DLGAP1: variants seen among roughly 807,000 people sequenced by gnomAD.
DLGAP1 encodes the protein DLG associated protein 1.
Under a neutral mutation model 90.8 loss-of-function variants are expected in DLGAP1, and 11 were observed. The observed-to-expected ratio is 0.12, with a 90% confidence interval of 0.08 to 0.20. The LOEUF (loss-of-function observed/expected upper bound fraction) is 0.20, where lower values mean the gene tolerates loss of function less well. Ranked by LOEUF, DLGAP1 falls within the 10% of genes least tolerant of loss-of-function variation. The pLI is 1.00. For missense variants in DLGAP1, 1,050 were observed against 1,333.8 expected (o/e 0.79, Z 3.31); for synonymous variants, 558 against 540.7 (o/e 1.03, Z -0.44).
intron 2 of DLGAP1, among the ~76,000 whole-genome samples, chr18:4,058,502 G>A (rs538308207): frequency 2.2e-4 from 34 of 152,274 alleles, no homozygotes; most frequent in African/African-American, 7.9e-4. Flanking sequence ...GCCTTACTCT[G>A]TAGCCTTTTA....
At chr18:3,848,015 C>A (rs1373740424) in intron 4 of DLGAP1, among the ~76,000 whole-genome samples, 1 of 150,472 alleles carries the variant, frequency 6.6e-6, no homozygotes, top group East Asian at 2.0e-4. Context: ...GTAGTCCCAG[C>A]TGATTAGGAA....
rs140411764 is a variant in DLGAP1 at position 4,027,391 on chromosome 18, A to G, written c.-158-22190T>C. ...CATGGTGGTGCATGCTTGTAATCCC[A>G]GCTACTCGAGAGGCTGAGGCAGGAG... is the stretch of plus-strand genomic sequence containing the variant. On this transcript the variant is annotated intron_variant, in intron 2 of 12. Coordinates refer to ENST00000315677, the MANE Select transcript of DLGAP1 (RefSeq NM_004746.4). Among the ~76,000 whole-genome samples, 516 of 150,904 alleles carry G rather than the reference A, an allele frequency of 3.4e-3. 4 individuals are homozygous for G. Among genetic ancestry groups the G allele is most frequent in the African/African-American group, 0.012 (496 of 41,184 alleles).
intron 7 of DLGAP1, among the ~76,000 whole-genome samples, chr18:3,612,148 G>A (rs185516377): frequency 6.6e-6 from 1 of 152,302 alleles, no homozygotes; most frequent in East Asian, 1.9e-4. Flanking sequence ...TTGAGCCCAG[G>A]AGTTTGAGTC....
chr18:4,420,987 A>AT (rs2083016807), intron 1 of DLGAP1, among the ~76,000 whole-genome samples: 2 of 152,180 alleles, frequency 1.3e-5, no homozygotes, highest in African/African-American at 2.4e-5. Context: ...TGGTTCAGAG[A>AT]TTTTTCCCTT....
At chr18:3,909,031 A>G (rs570427867) in intron 3 of DLGAP1, among the ~76,000 whole-genome samples, 3 of 152,332 alleles carry the variant, frequency 2.0e-5, no homozygotes, top group Admixed American at 6.5e-5. Flanking sequence ...CTATAAAAAT[A>G]TGGTGGTGAT....
intron 2 of DLGAP1, among the ~76,000 whole-genome samples, chr18:4,054,086 AT>A (rs2075177115): frequency 6.6e-6 from 1 of 152,284 alleles, no homozygotes; most frequent in African/African-American, 2.4e-5. Flanking sequence ...CTTCTGTGCC[AT>A]TTGCTGTCAG....
At chr18:3,556,693 G>T (rs1348512771) in intron 9 of DLGAP1, among the ~76,000 whole-genome samples, 1 of 152,178 alleles carries the variant, frequency 6.6e-6, no homozygotes, top group Non-Finnish European at 1.5e-5. Flanking sequence ...AAGTTTGGGT[G>T]ATTAGAAATA....
intron 1 of DLGAP1, among the ~76,000 whole-genome samples, chr18:4,315,498 A>G (rs902262007): frequency 6.6e-6 from 1 of 152,166 alleles, no homozygotes; most frequent in Non-Finnish European, 1.5e-5. Context: ...AACTTTCAAA[A>G]CTCTAAATTA....
chr18:4,428,883 C>A (rs998813097), intron 1 of DLGAP1, among the ~76,000 whole-genome samples: 2 of 152,148 alleles, frequency 1.3e-5, no homozygotes, highest in Non-Finnish European at 1.5e-5. Context: ...TCTTCCACCA[C>A]ATTAAAATAG....
intron 7 of DLGAP1, among the ~76,000 whole-genome samples, chr18:3,666,729 G>A (rs2146678483): frequency 6.6e-6 from 1 of 152,240 alleles, no homozygotes; most frequent in Admixed American, 6.5e-5. Flanking sequence ...ATTCTAATCT[G>A]TCAATTTAAA....
chr18:3,921,174 C>A (rs1356732005), intron 3 of DLGAP1, among the ~76,000 whole-genome samples: 1 of 152,100 alleles, frequency 6.6e-6, no homozygotes, highest in Non-Finnish European at 1.5e-5. Context: ...GAACTCTAAC[C>A]TGGGTTTTTG....
intron 7 of DLGAP1, chr18:3,680,053 A>G (rs2060456120): frequency 6.6e-6 from 1 of 152,058 alleles, no homozygotes; most frequent in South Asian, 2.1e-4. Flanking sequence ...CCATTTCTCA[A>G]GAGAATAGCA....
intron 7 of DLGAP1, chr18:3,655,368 A>C (rs1371201451): frequency 6.6e-6 from 1 of 152,210 alleles, no homozygotes. Flanking sequence ...TCAATTTTAT[A>C]CCAATAAATC....
chr18:4,428,086 T>A (rs1481757842), intron 1 of DLGAP1, among the ~76,000 whole-genome samples: 3 of 152,196 alleles, frequency 2.0e-5, no homozygotes, highest in Non-Finnish European at 4.4e-5. Context: ...GGTAACAAGA[T>A]TTTATAGCAA....
chr18:4,087,066 C>CATATAT (rs2075694751), intron 2 of DLGAP1, among the ~76,000 whole-genome samples: 4 of 91,090 alleles, frequency 4.4e-5, no homozygotes, highest in African/African-American at 9.7e-5. Flanking sequence ...TATATACACA[C>CATATAT]ACTTATATAT....
At chr18:3,500,175 G>C (rs558832503) in intron 12 of DLGAP1, among the ~76,000 whole-genome samples, 1 of 152,130 alleles carries the variant, frequency 6.6e-6, no homozygotes, top group South Asian at 2.1e-4. Flanking sequence ...GACACAGGAT[G>C]AAAGAGGTCA....
At chr18:4,421,117 C>T (rs1325116765) in intron 1 of DLGAP1, among the ~76,000 whole-genome samples, 1 of 152,194 alleles carries the variant, frequency 6.6e-6, no homozygotes, top group Non-Finnish European at 1.5e-5. Flanking sequence ...AAGTTATACT[C>T]TCCCTCTTCT....
At chr18:3,665,055 G>A (rs1256809451) in intron 7 of DLGAP1, among the ~76,000 whole-genome samples, 1 of 152,090 alleles carries the variant, frequency 6.6e-6, no homozygotes. Flanking sequence ...GTAACCGCTG[G>A]GGAAGAGGAA....
intron 3 of DLGAP1, among the ~76,000 whole-genome samples, chr18:3,951,525 T>C (rs965144748): frequency 1.3e-5 from 2 of 152,252 alleles, no homozygotes; most frequent in Non-Finnish European, 2.9e-5. Context: ...ATTTCAAATG[T>C]ATCCACTAAA....
Sources: allele counts gnomAD v4.1 joint callset (sites outside exome capture counted in the v4.1 genomes callset), GRCh38; gene constraint gnomAD v4.1.1; transcripts MANE v1.5; gene names NCBI Gene and HGNC (gene_info 2026-07-23, HGNC 2026-07-21).